Variants in ERBB4 observed in about 807,000 individuals in gnomAD.
ERBB4 encodes erb-b2 receptor tyrosine kinase 4, also known as receptor tyrosine-protein kinase erbB-4.
ERBB4 carries 42 observed loss-of-function variants against 158.0 expected under a neutral mutation model. That is an observed-to-expected ratio of 0.27 (90% CI 0.21 to 0.34). ERBB4 has a LOEUF of 0.34. Among genes scored for constraint, ERBB4 ranks in the 10% least tolerant of loss-of-function variants. The pLI, the probability that ERBB4 is intolerant of heterozygous loss-of-function variation, is 1.00. For missense variants in ERBB4, 1,333 were observed against 1,624.1 expected (o/e 0.82, Z 3.08); for synonymous variants, 583 against 558.7 (o/e 1.04, Z -0.61).
At chr2:211,561,859 T>A (rs773683884) in intron 20 of ERBB4, 44 bp downstream of exon 20, 1 of 1,530,482 alleles carries the variant, frequency 6.5e-7, no homozygotes, top group Admixed American at 1.7e-5. Flanking sequence ...TTAGGAAATA[T>A]TAACCTAAAA....
At chr2:211,746,025 G>C (rs1371475649) in intron 5 of ERBB4, among the ~76,000 whole-genome samples, 1 of 152,128 alleles carries the variant, frequency 6.6e-6, no homozygotes, top group Non-Finnish European at 1.5e-5. Flanking sequence ...TTGTAAAATT[G>C]GGTTAATGTA....
intron 1 of ERBB4, among the ~76,000 whole-genome samples, chr2:212,137,321 C>A (rs1314489075): frequency 6.6e-6 from 1 of 152,096 alleles, no homozygotes; most frequent in East Asian, 1.9e-4. Context: ...GATCCTCTCT[C>A]TCCTCCCACT....
intron 3 of ERBB4, among the ~76,000 whole-genome samples, chr2:211,799,951 TA>T (rs1173188323): frequency 7.9e-5 from 12 of 152,142 alleles, no homozygotes; most frequent in African/African-American, 2.4e-5. Context: ...TTTGCTCATT[TA>T]AAAAAATATA....
intron 2 of ERBB4, among the ~76,000 whole-genome samples, chr2:212,037,012 C>A (rs535263814): frequency 2.6e-5 from 4 of 152,146 alleles, no homozygotes; most frequent in Admixed American, 2.6e-4. Flanking sequence ...AAGAAATAGG[C>A]GCTACAGTAG....
chr2:212,367,773 G>A (rs955972948), intron 1 of ERBB4, among the ~76,000 whole-genome samples: 8 of 151,988 alleles, frequency 5.3e-5, no homozygotes, highest in African/African-American at 1.7e-4. Context: ...AGTGAGCTAA[G>A]GGCATGAATA....
chr2:211,414,303 G>A (rs921559933), intron 25 of ERBB4, among the ~76,000 whole-genome samples: 7 of 152,036 alleles, frequency 4.6e-5, no homozygotes, highest in African/African-American at 1.7e-4. Flanking sequence ...TTCGAGACCA[G>A]CCTGGCCAAC....
chr2:211,682,614 C>T (rs999706119), intron 12 of ERBB4, among the ~76,000 whole-genome samples: 3 of 152,142 alleles, frequency 2.0e-5, no homozygotes, highest in Non-Finnish European at 4.4e-5. Flanking sequence ...TTTCCAGTAT[C>T]ATTTGTTGAA....
chr2:212,155,692 G>A (rs1174856781), intron 1 of ERBB4, among the ~76,000 whole-genome samples: 2 of 152,042 alleles, frequency 1.3e-5, no homozygotes, highest in Non-Finnish European at 2.9e-5. Context: ...AACTCTGATT[G>A]AAATTTATCA....
chr2:211,428,604 ATATAAC>A lies in ERBB4; in HGVS notation c.2644-127_2644-122del, dbSNP rs1456642010. On this transcript the variant is annotated intron_variant, in intron 21 of 27. Transcript: ENST00000342788. ...ATATTTTTTTATTATGTGTGTATAG[ATATAAC>A]TATAACTATAAATATATGTTAATTT... The A allele has an allele frequency of 1.6e-4, 90 of 551,272 alleles. 1 individual carries two copies. The East Asian group carries it at 2.3e-3, about 14-fold the overall frequency. 34.1% of individuals were successfully genotyped at this position (551,272 alleles called of 1,614,324 possible).
At chr2:211,422,490 A>C (rs1477286706) in intron 23 of ERBB4, among the ~76,000 whole-genome samples, 2 of 66,100 alleles carry the variant, frequency 3.0e-5, no homozygotes, top group African/African-American at 1.4e-4. Flanking sequence ...CTGGTGGACA[A>C]AAAAAAAAAA....
At chr2:211,544,666 G>C (rs764550751) in intron 20 of ERBB4, among the ~76,000 whole-genome samples, 2 of 152,046 alleles carry the variant, frequency 1.3e-5, no homozygotes, top group Non-Finnish European at 2.9e-5. Flanking sequence ...ATCAGATACT[G>C]TGTTAGGTAC....
At chr2:211,689,789 C>T (rs1361564458) in intron 12 of ERBB4, among the ~76,000 whole-genome samples, 1 of 151,830 alleles carries the variant, frequency 6.6e-6, no homozygotes, top group African/African-American at 2.4e-5. Flanking sequence ...ACAGTGTTTA[C>T]ATACTCTTGC....
chr2:211,685,314 G>A (rs1045769877), intron 12 of ERBB4, among the ~76,000 whole-genome samples: 4 of 152,124 alleles, frequency 2.6e-5, no homozygotes, highest in Middle Eastern at 3.2e-3. Context: ...TATAAGATGT[G>A]AGATGTAGCT....
intron 20 of ERBB4, among the ~76,000 whole-genome samples, chr2:211,432,645 T>C (rs188784951): frequency 1.6e-4 from 25 of 151,532 alleles, no homozygotes; most frequent in African/African-American, 6.1e-4. Flanking sequence ...GCCTTGGAGA[T>C]AGAATATTTT....
intron 1 of ERBB4, among the ~76,000 whole-genome samples, chr2:212,286,564 G>C (rs1383880598): frequency 7.2e-6 from 1 of 138,358 alleles, no homozygotes; most frequent in Non-Finnish European, 1.5e-5. Context: ...AAGTTGTTCA[G>C]ATTAAATGAG....
At chr2:211,516,016 G>A (rs1315194964) in intron 20 of ERBB4, among the ~76,000 whole-genome samples, 2 of 146,086 alleles carry the variant, frequency 1.4e-5, no homozygotes, top group East Asian at 2.0e-4. Context: ...CCAGGTTCAC[G>A]CCATTCTCCT....
intron 2 of ERBB4, among the ~76,000 whole-genome samples, chr2:212,040,800 G>C (rs2077123874): frequency 6.6e-6 from 1 of 151,960 alleles, no homozygotes; most frequent in Admixed American, 6.6e-5. Context: ...CTGCTTCATG[G>C]GCTTTTCACT....
intron 16 of ERBB4, among the ~76,000 whole-genome samples, chr2:211,641,212 A>G (rs973418370): frequency 5.3e-5 from 8 of 152,100 alleles, no homozygotes; most frequent in Non-Finnish European, 8.8e-5. Context: ...AGGAACATTC[A>G]AAATGCAAAG....
At chr2:212,073,302 G>A (rs1559444595) in intron 2 of ERBB4, among the ~76,000 whole-genome samples, 1 of 151,952 alleles carries the variant, frequency 6.6e-6, no homozygotes, top group Non-Finnish European at 1.5e-5. Flanking sequence ...GGGTAGAGGA[G>A]GATGATAGGT....
Sources: gnomAD v4.1 joint callset for allele counts (sites outside exome capture counted in the v4.1 genomes callset) on GRCh38, gnomAD v4.1.1 for gene constraint, MANE v1.5 for transcripts, NCBI Gene and HGNC (gene_info 2026-07-23, HGNC 2026-07-21) for gene names.